Variants in ARSB observed in about 807,000 individuals in gnomAD.
ARSB encodes the protein N-acetylgalactosamine-4-sulfatase.
A neutral mutation model predicts 50.9 loss-of-function variants in ARSB; 41 were observed. That is an observed-to-expected ratio of 0.81 (90% CI 0.63 to 1.04). The LOEUF (loss-of-function observed/expected upper bound fraction) is 1.04. Among genes scored for constraint, ARSB ranks in the 50% least tolerant of loss-of-function variants. The pLI, the probability that ARSB is intolerant of heterozygous loss-of-function variation, is 0.00. For missense variants in ARSB, 672 were observed against 693.3 expected (o/e 0.97, Z 0.35); for synonymous variants, 269 against 284.8 (o/e 0.94, Z 0.56).
chr5:78,809,883 A>G (rs1161050833), intron 6 of ARSB, among the ~76,000 whole-genome samples: 2 of 152,194 alleles, frequency 1.3e-5, no homozygotes, highest in East Asian at 3.9e-4. Context: ...CTGGCTGACC[A>G]TGGGCCACAG....
At chr5:78,933,326 A>T (rs566041171) in intron 4 of ARSB, among the ~76,000 whole-genome samples, 2 of 152,316 alleles carry the variant, frequency 1.3e-5, no homozygotes, top group South Asian at 4.1e-4. Context: ...AAGTAGAAGA[A>T]ATCAGTCCAT....
rs1748801718 is a variant in ARSB at position 78,777,459 on chromosome 5, C to T, written c.*2938G>A. 1 of 152,500 alleles carries T rather than the reference C, an allele frequency of 6.6e-6. No individual in the cohort carries two copies. The highest frequency in any genetic ancestry group is 2.4e-5 in the African/African-American group (1 of 41,402). 9.4% of individuals were successfully genotyped at this position (152,500 alleles called of 1,614,324 possible). A position where few individuals can be genotyped will look rare whatever the true frequency, so the allele number is the denominator to read the frequency against. Reference sequence around the variant, plus strand: ...GGAAGCCCCATACATATGGCTGACACATTTTAAAAGATTAATTTTATTTTG... The same window carrying T: ...GGAAGCCCCATACATATGGCTGACATATTTTAAAAGATTAATTTTATTTTG... On this transcript the variant is annotated 3_prime_UTR_variant, in exon 8 of 8. Transcript: ENST00000264914.
chr5:78,821,974 T>C (rs990192762), intron 6 of ARSB, among the ~76,000 whole-genome samples: 2 of 152,222 alleles, frequency 1.3e-5, no homozygotes, highest in African/African-American at 2.4e-5. Flanking sequence ...CAGGAGTGTA[T>C]TTGTTTTTCA....
At chr5:78,963,001 T>C (rs1272590401) in intron 3 of ARSB, among the ~76,000 whole-genome samples, 1 of 152,200 alleles carries the variant, frequency 6.6e-6, no homozygotes, top group African/African-American at 2.4e-5. Flanking sequence ...GTTTAGATAT[T>C]TGACCCTCCT....
chr5:78,956,891 A>G (rs1041797347), intron 3 of ARSB, among the ~76,000 whole-genome samples: 6 of 152,202 alleles, frequency 3.9e-5, no homozygotes, highest in African/African-American at 1.4e-4. Flanking sequence ...TTAGCTGAAA[A>G]TAAGCCCTCA....
At chr5:78,813,004 T>C (rs1178002743) in intron 6 of ARSB, among the ~76,000 whole-genome samples, 1 of 152,026 alleles carries the variant, frequency 6.6e-6, no homozygotes, top group Non-Finnish European at 1.5e-5. Context: ...AAATTTATAA[T>C]AATAATTGAT....
chr5:78,907,806 T>A (rs1247883042), intron 4 of ARSB, among the ~76,000 whole-genome samples: 1 of 152,154 alleles, frequency 6.6e-6, no homozygotes, highest in East Asian at 1.9e-4. Flanking sequence ...ATACCTATGC[T>A]GGTGACTCAA....
chr5:78,876,966 C>G (rs1472428672), intron 5 of ARSB, among the ~76,000 whole-genome samples: 3 of 152,146 alleles, frequency 2.0e-5, no homozygotes, highest in African/African-American at 7.2e-5. Context: ...GCCTTATGAT[C>G]TGAGTTTCAT....
At chr5:78,885,424 A>G in intron 5 of ARSB, 160 bp downstream of exon 5, 2 of 1,002,780 alleles carry the variant, frequency 2.0e-6, no homozygotes, top group Non-Finnish European at 2.8e-6. Context: ...TTAAAAATAT[A>G]TATACTTACA....
intron 3 of ARSB, 116 bp from the exon 4 acceptor site, chr5:78,955,618 T>G (rs1000665910): frequency 1.2e-6 from 1 of 851,442 alleles, no homozygotes; most frequent in Admixed American, 2.0e-5. Context: ...ACCTACAGAA[T>G]GCATTGAAAG....
chr5:78,915,048 A>G (rs1156693449), intron 4 of ARSB, among the ~76,000 whole-genome samples: 2 of 152,114 alleles, frequency 1.3e-5, no homozygotes, highest in Non-Finnish European at 2.9e-5. Context: ...TTAGTTTTTG[A>G]GCTTGCTCCT....
Position 78,801,146 on chromosome 5 carries a change from T to C in ARSB, c.1214-19172A>G, listed in dbSNP as rs73120688. ...TTTTTTTTAGCAGGGATGAAAGGCC[T>C]GTTTTAGAAAGACACATCTCCATGT... is the stretch of plus-strand genomic sequence containing the variant. On this transcript the variant is annotated intron_variant, in intron 6 of 7. Transcript: ENST00000264914. 3.4e-3 allele frequency among the ~76,000 whole-genome samples: 523 copies of C among 152,304 alleles called. 3 individuals carry two copies. Among genetic ancestry groups the C allele is most frequent in the African/African-American group, 0.012 (489 of 41,562 alleles).
chr5:78,840,486 A>G (rs925038705), intron 5 of ARSB, among the ~76,000 whole-genome samples: 2 of 152,194 alleles, frequency 1.3e-5, no homozygotes, highest in African/African-American at 4.8e-5. Flanking sequence ...ACAACTTTGT[A>G]TTTGCCAAGT....
intron 6 of ARSB, among the ~76,000 whole-genome samples, chr5:78,805,075 C>A (rs896808650): frequency 6.6e-6 from 1 of 152,214 alleles, no homozygotes; most frequent in Admixed American, 6.5e-5. Context: ...CAGACTTACT[C>A]AAATGAGTGC....
At chr5:78,917,564 G>T (rs555683819) in intron 4 of ARSB, among the ~76,000 whole-genome samples, 1 of 152,194 alleles carries the variant, frequency 6.6e-6, no homozygotes, top group South Asian at 2.1e-4. Context: ...CCAGGCTGGA[G>T]TGTGGTGGCA....
At chr5:78,955,763 G>A (rs1006086200) in intron 3 of ARSB, among the ~76,000 whole-genome samples, 1 of 152,070 alleles carries the variant, frequency 6.6e-6, no homozygotes, top group Non-Finnish European at 1.5e-5. Context: ...TACACAAAAG[G>A]CAATAAACAC....
At chr5:78,884,556 C>A (rs1424632625) in intron 5 of ARSB, 1 of 152,130 alleles carries the variant, frequency 6.6e-6, no homozygotes, top group African/African-American at 2.4e-5. Flanking sequence ...CTCCCCCTGG[C>A]CACTAAGGGA....
chr5:78,792,938 C>G (rs1175311751), intron 6 of ARSB, among the ~76,000 whole-genome samples: 1 of 152,004 alleles, frequency 6.6e-6, no homozygotes, highest in Non-Finnish European at 1.5e-5. Context: ...TAACATTTTC[C>G]CCACATAACC....
intron 6 of ARSB, among the ~76,000 whole-genome samples, chr5:78,785,594 A>C (rs1298801353): frequency 1.3e-5 from 2 of 152,230 alleles, no homozygotes; most frequent in Admixed American, 6.5e-5. Flanking sequence ...TGCTGCTGTT[A>C]GTACCTGCAT....
Sources: allele counts gnomAD v4.1 joint callset (sites outside exome capture counted in the v4.1 genomes callset), GRCh38; gene constraint gnomAD v4.1.1; transcripts MANE v1.5; gene names NCBI Gene and HGNC (gene_info 2026-07-23, HGNC 2026-07-21).